The following CYP7B1 variants were observed in gnomAD, a reference collection of about 807,000 sequenced individuals.
CYP7B1 encodes cytochrome P450 family 7 subfamily B member 1, also known as cytochrome P450 7B1.
In CYP7B1, 29 loss-of-function variants were observed where a neutral mutation model predicts 42.7. The observed-to-expected ratio is 0.68, with a 90% CI of 0.51 to 0.93. The LOEUF (loss-of-function observed/expected upper bound fraction) is 0.93. CYP7B1 is among the 40% of genes least tolerant of loss of function. CYP7B1 has a pLI of 0.00. For missense variants in CYP7B1, 655 were observed against 600.5 expected (o/e 1.09, Z -0.95); for synonymous variants, 235 against 218.2 (o/e 1.08, Z -0.68).
At chr8:64,679,875 G>A (rs1247542266) in intron 1 of CYP7B1, among the ~76,000 whole-genome samples, 1 of 151,934 alleles carries the variant, frequency 6.6e-6, no homozygotes, top group Non-Finnish European at 1.5e-5. Context: ...TCCTTTTATT[G>A]CTTGCTTTGT....
At chr8:64,766,020 C>T (rs932419688) in intron 1 of CYP7B1, among the ~76,000 whole-genome samples, 1 of 152,136 alleles carries the variant, frequency 6.6e-6, no homozygotes, top group African/African-American at 2.4e-5. Flanking sequence ...ATAACTGCAG[C>T]CTGAGAGTTT....
At position 64,596,871 on chromosome 8, in the gene CYP7B1, C is replaced by T; in HGVS notation, c.1292G>A (p.Arg431Lys). ...TAGGTAACACTTCAGCTTTTTCCCT[C>T]TTTTGAAAAAGGTGGTTTTCTTCTT... ...DGKKKTTFFK[R>K]GKKLKCYLMP... Residue 431 changes from arginine to lysine, a missense_variant, in exon 6 of 6, where the codon AGA (arginine) becomes AAA (lysine). Coordinates refer to ENST00000310193, the MANE Select transcript of CYP7B1 (RefSeq NM_004820.5). 1.2e-6 allele frequency: 2 copies of T among 1,613,648 alleles called. No homozygotes were observed. The highest frequency in any genetic ancestry group is 1.7e-6 in the Non-Finnish European group (2 of 1,179,788).
At chr8:64,696,183 G>T (rs1407998831) in intron 1 of CYP7B1, among the ~76,000 whole-genome samples, 6 of 152,066 alleles carry the variant, frequency 3.9e-5, no homozygotes, top group African/African-American at 1.4e-4. Flanking sequence ...CAGGTATGAG[G>T]TTATCATACA....
intron 1 of CYP7B1, among the ~76,000 whole-genome samples, chr8:64,754,356 T>C (rs1407128453): frequency 6.6e-6 from 1 of 152,220 alleles, no homozygotes; most frequent in Admixed American, 6.5e-5. Context: ...ATTACATTAA[T>C]AAATTTAATT....
intron 1 of CYP7B1, among the ~76,000 whole-genome samples, chr8:64,701,421 T>C (rs142851272): frequency 7.4e-4 from 113 of 152,212 alleles, no homozygotes; most frequent in Middle Eastern, 3.4e-3. Flanking sequence ...AAAACATTCA[T>C]GGTCACCAGG....
chr8:64,620,282 C>G (rs557783392), intron 2 of CYP7B1, among the ~76,000 whole-genome samples: 93 of 152,284 alleles, frequency 6.1e-4, no homozygotes, highest in South Asian at 2.7e-3. Flanking sequence ...AGTTTTTAAT[C>G]TCAAGCTGAA....
At chr8:64,698,396 A>G (rs1806864186) in intron 1 of CYP7B1, among the ~76,000 whole-genome samples, 1 of 152,142 alleles carries the variant, frequency 6.6e-6, no homozygotes, top group Admixed American at 6.6e-5. Context: ...AGAAAACCCA[A>G]AACCACTGGT....
intron 1 of CYP7B1, among the ~76,000 whole-genome samples, chr8:64,790,845 T>C (rs1241949102): frequency 6.6e-6 from 1 of 152,164 alleles, no homozygotes; most frequent in African/African-American, 2.4e-5. Context: ...GTTATTGTAA[T>C]TGGAAATAGC....
chr8:64,772,050 T>C (rs1287109448), intron 1 of CYP7B1, among the ~76,000 whole-genome samples: 1 of 152,236 alleles, frequency 6.6e-6, no homozygotes, highest in African/African-American at 2.4e-5. Flanking sequence ...TAAGATGACC[T>C]TGCTTCCTAT....
chr8:64,729,877 A>G (rs927375770), intron 1 of CYP7B1, among the ~76,000 whole-genome samples: 1 of 152,102 alleles, frequency 6.6e-6, no homozygotes, highest in Non-Finnish European at 1.5e-5. Context: ...CCTTTTTGTC[A>G]CAAATAGTTT....
intron 1 of CYP7B1, among the ~76,000 whole-genome samples, chr8:64,648,223 C>A (rs1181130590): frequency 6.6e-6 from 1 of 152,110 alleles, no homozygotes; most frequent in African/African-American, 2.4e-5. Flanking sequence ...CCTTGTAATT[C>A]ACTTCTTATT....
intron 1 of CYP7B1, among the ~76,000 whole-genome samples, chr8:64,773,903 C>T (rs1315551903): frequency 2.6e-5 from 4 of 152,174 alleles, no homozygotes; most frequent in African/African-American, 9.7e-5. Flanking sequence ...ATTCACGAGG[C>T]CAGAGCCCTC....
intron 1 of CYP7B1, among the ~76,000 whole-genome samples, chr8:64,766,223 A>G (rs922116028): frequency 6.6e-6 from 1 of 152,208 alleles, no homozygotes; most frequent in Admixed American, 6.5e-5. Context: ...GAAGAAGCCT[A>G]TAAATTATTC....
intron 1 of CYP7B1, among the ~76,000 whole-genome samples, chr8:64,680,467 G>A (rs925174489): frequency 2.6e-5 from 4 of 151,544 alleles, no homozygotes; most frequent in Non-Finnish European, 5.9e-5. Flanking sequence ...ATTTCTACTT[G>A]ATTTAGATGA....
intron 1 of CYP7B1, among the ~76,000 whole-genome samples, chr8:64,645,513 GA>G (rs1048322719): frequency 3.8e-4 from 58 of 151,924 alleles, no homozygotes; most frequent in African/African-American, 1.4e-3. Context: ...GATGGCCAAG[GA>G]GAACTACAAA....
At chr8:64,782,420 C>T (rs1262358465) in intron 1 of CYP7B1, among the ~76,000 whole-genome samples, 1 of 152,288 alleles carries the variant, frequency 6.6e-6, no homozygotes, top group South Asian at 2.1e-4. Context: ...TGAACAGCCA[C>T]CATCTATGAG....
At chr8:64,696,836 A>G (rs760701316) in intron 1 of CYP7B1, among the ~76,000 whole-genome samples, 30 of 152,214 alleles carry the variant, frequency 2.0e-4, no homozygotes, top group Non-Finnish European at 4.0e-4. Flanking sequence ...TGAGATGTTA[A>G]AAACTAATAA....
intron 1 of CYP7B1, among the ~76,000 whole-genome samples, chr8:64,740,168 T>C (rs1295318551): frequency 6.6e-6 from 1 of 152,008 alleles, no homozygotes; most frequent in Non-Finnish European, 1.5e-5. Flanking sequence ...ACAGACCACA[T>C]CCTGGGCTGT....
chr8:64,715,604 C>G (rs1807143240), intron 1 of CYP7B1, among the ~76,000 whole-genome samples: 1 of 152,148 alleles, frequency 6.6e-6, no homozygotes, highest in African/African-American at 2.4e-5. Flanking sequence ...TCCTCACACC[C>G]CTACAAAAAT....
Sources: gnomAD v4.1 joint callset for allele counts (sites outside exome capture counted in the v4.1 genomes callset) on GRCh38, gnomAD v4.1.1 for gene constraint, MANE v1.5 for transcripts, NCBI Gene and HGNC (gene_info 2026-07-23, HGNC 2026-07-21) for gene names.